Variants in LCP1 observed in about 807,000 individuals in gnomAD.
LCP1 encodes plastin-2.
A neutral mutation model predicts 72.0 loss-of-function variants in LCP1; 23 were observed. That is an observed-to-expected ratio of 0.32 (90% CI 0.23 to 0.45). LCP1 has a LOEUF of 0.45. Ranked by LOEUF, LCP1 falls within the 20% of genes least tolerant of loss-of-function variation. The pLI, the probability that LCP1 is intolerant of heterozygous loss-of-function variation, is 1.00. For missense variants in LCP1, 571 were observed against 748.3 expected, an observed-to-expected ratio of 0.76 and a Z score of 2.76; for synonymous variants, 245 against 275.4, an observed-to-expected ratio of 0.89 and a Z score of 1.09.
At chr13:46,165,471 A>C (rs995583382) in intron 1 of LCP1, among the ~76,000 whole-genome samples, 5 of 152,180 alleles carry the variant, frequency 3.3e-5, no homozygotes, top group African/African-American at 9.7e-5. Context: ...TAATATAAGT[A>C]AGATTAGTTG....
intron 5 of LCP1, 99 bp from the exon 6 acceptor site, chr13:46,154,985 T>C (rs1258278794): frequency 1.2e-6 from 1 of 863,824 alleles, no homozygotes; most frequent in Admixed American, 2.0e-5. Context: ...TCAAAGAAGA[T>C]AGCAACAGAA....
chr13:46,180,756 C>T (rs559517543), intron 1 of LCP1, among the ~76,000 whole-genome samples: 22 of 152,264 alleles, frequency 1.4e-4, no homozygotes, highest in South Asian at 4.1e-4. Context: ...TTTATTCCTT[C>T]GTAAATATAA....
chr13:46,162,394 T>C (rs1301278097), intron 1 of LCP1, among the ~76,000 whole-genome samples: 1 of 151,296 alleles, frequency 6.6e-6, no homozygotes, highest in Admixed American at 6.6e-5. Context: ...CACTGCAACC[T>C]CCCTGCCTGA....
At chr13:46,179,970 TTC>T (rs143449455) in intron 1 of LCP1, among the ~76,000 whole-genome samples, 137 of 151,062 alleles carry the variant, frequency 9.1e-4, no homozygotes, top group South Asian at 3.1e-3. Flanking sequence ...AAAGTTTTTC[TTC>T]TCTCTCTCTC....
In LCP1 at chr13:46,134,204, T is replaced by G. The variant is rs2045650334; in HGVS notation, c.1549A>C (p.Asn517His). The G allele has an allele frequency of 6.2e-7, 1 of 1,613,386 alleles. No individual in the cohort carries two copies. Among genetic ancestry groups the G allele is most frequent in the South Asian group, 1.1e-5 (1 of 91,070 alleles). The change falls in exon 14 of 16, where the codon AAT (asparagine) becomes CAT (histidine). Residue 517 changes from asparagine (N) to histidine (H), a missense_variant. Coordinates refer to ENST00000323076, the MANE Select transcript of LCP1 (RefSeq NM_002298.5). ...LEEIGGGQKV[N>H]DDIIVNWVNE... ...ACCCAGTTGACAATAATGTCATCAT[T>G]GACCTTCTGGCCACCACCAATTTCT... is the stretch of plus-strand genomic sequence containing the variant.
At chr13:46,135,432 C>T (rs1246740375) in intron 13 of LCP1, among the ~76,000 whole-genome samples, 1 of 152,156 alleles carries the variant, frequency 6.6e-6, no homozygotes, top group Non-Finnish European at 1.5e-5. Flanking sequence ...TTACATAATC[C>T]ATCGGGTATC....
At chr13:46,159,453 A>G (rs975653790) in intron 2 of LCP1, 146 bp downstream of exon 2, 2 of 636,156 alleles carry the variant, frequency 3.1e-6, no homozygotes, top group African/African-American at 1.8e-5. Context: ...TTTTTCAAAA[A>G]TAAGTTCTCC....
At chr13:46,157,850 G>A (rs1346569075) in intron 4 of LCP1, among the ~76,000 whole-genome samples, 2 of 148,266 alleles carry the variant, frequency 1.3e-5, no homozygotes, top group African/African-American at 5.0e-5. Flanking sequence ...GGGCTCAAGC[G>A]ATTCTCCTGT....
chr13:46,177,438 G>A (rs1367742111), intron 1 of LCP1, among the ~76,000 whole-genome samples: 2 of 152,068 alleles, frequency 1.3e-5, no homozygotes, highest in East Asian at 1.9e-4. Flanking sequence ...TCAGGAGATC[G>A]AGACCGTCCT....
At chr13:46,144,299 T>C in intron 11 of LCP1, 143 bp downstream of exon 11, 2 of 630,600 alleles carry the variant, frequency 3.2e-6, no homozygotes, top group Non-Finnish European at 5.7e-6. Flanking sequence ...ATCCAACATC[T>C]GAAGCTCAAC....
chr13:46,135,720 T>C (rs1007536109), intron 13 of LCP1, among the ~76,000 whole-genome samples: 4 of 151,788 alleles, frequency 2.6e-5, no homozygotes, highest in African/African-American at 9.7e-5. Context: ...GAATTTCCTT[T>C]CTGAAGTACA....
At chr13:46,181,202 A>G (rs1320369510) in intron 1 of LCP1, among the ~76,000 whole-genome samples, 5 of 152,226 alleles carry the variant, frequency 3.3e-5, no homozygotes, top group Non-Finnish European at 5.9e-5. Context: ...ATCCTGATTA[A>G]TGTTCGCATT....
intron 13 of LCP1, among the ~76,000 whole-genome samples, chr13:46,139,945 A>G (rs1421999732): frequency 3.3e-5 from 5 of 152,354 alleles, no homozygotes; most frequent in Middle Eastern, 3.4e-3. Context: ...AACATATGAA[A>G]CAATGTTGTT....
chr13:46,159,116 C>T, intron 2 of LCP1, 127 bp from the exon 3 acceptor site: 1 of 821,062 alleles, frequency 1.2e-6, no homozygotes, highest in Non-Finnish European at 2.0e-6. Flanking sequence ...AGGCATGATC[C>T]CAGGGAAGAG....
chr13:46,166,339 A>T (rs1031257950), intron 1 of LCP1, among the ~76,000 whole-genome samples: 1 of 152,200 alleles, frequency 6.6e-6, no homozygotes, highest in African/African-American at 2.4e-5. Flanking sequence ...TTTCTGAAAG[A>T]TGGTAGTGCT....
At chr13:46,145,173 A>G (rs2045722235) in intron 10 of LCP1, among the ~76,000 whole-genome samples, 2 of 152,244 alleles carry the variant, frequency 1.3e-5, no homozygotes, top group Non-Finnish European at 2.9e-5. Flanking sequence ...GATACCAGGT[A>G]GCAGATTTTA....
At chr13:46,141,867 T>C (rs1411238862) in intron 13 of LCP1, among the ~76,000 whole-genome samples, 3 of 152,178 alleles carry the variant, frequency 2.0e-5, no homozygotes, top group Non-Finnish European at 4.4e-5. Flanking sequence ...GTAATTGTTA[T>C]TTACACAGAT....
intron 6 of LCP1, among the ~76,000 whole-genome samples, chr13:46,153,421 G>A (rs2045781193): frequency 1.3e-5 from 2 of 152,104 alleles, no homozygotes; most frequent in Admixed American, 6.6e-5. Context: ...AAATGAAAAG[G>A]CTGGCACGGT....
chr13:46,158,665 A>G lies in LCP1; in HGVS notation c.229-14T>C. 1 of 1,614,098 alleles carries G rather than the reference A, an allele frequency of 6.2e-7. No homozygotes were observed. The highest frequency in any genetic ancestry group is 8.5e-7 in the Non-Finnish European group (1 of 1,179,990). On this transcript the variant is annotated splice_polypyrimidine_tract_variant and intron_variant, in intron 3 of 15. Transcript: ENST00000323076. The stretch of plus-strand genomic sequence containing the variant: ...GCCATGGAAAATCTGCAAAAATATA[A>G]TGTATCTTTAGAAACTCAAGCAGTG...
Sources: allele counts gnomAD v4.1 joint callset (sites outside exome capture counted in the v4.1 genomes callset), GRCh38; gene constraint gnomAD v4.1.1; transcripts MANE v1.5; gene names NCBI Gene and HGNC (gene_info 2026-07-23, HGNC 2026-07-21).